ARSB: variants seen among roughly 807,000 people sequenced by gnomAD.
The protein encoded by ARSB is N-acetylgalactosamine-4-sulfatase.
ARSB carries 41 observed loss-of-function variants against 50.9 expected under a neutral mutation model. The ratio of observed to expected loss-of-function variants is 0.81; its 90% CI spans 0.63 to 1.04. The LOEUF (loss-of-function observed/expected upper bound fraction) is 1.04. Ranked by LOEUF, ARSB falls within the 50% of genes least tolerant of loss-of-function variation. The pLI is 0.00. For missense variants in ARSB, 672 were observed against 693.3 expected (o/e 0.97, Z 0.35); for synonymous variants, 269 against 284.8 (o/e 0.94, Z 0.56).
At chr5:78,852,125 C>T (rs180822896) in intron 5 of ARSB, among the ~76,000 whole-genome samples, 29 of 152,254 alleles carry the variant, frequency 1.9e-4, no homozygotes, top group African/African-American at 6.7e-4. Context: ...GGTTATTTTG[C>T]TCGTTAGTTG....
At chr5:78,953,577 A>G (rs191791326) in intron 4 of ARSB, among the ~76,000 whole-genome samples, 23 of 152,342 alleles carry the variant, frequency 1.5e-4, no homozygotes, top group African/African-American at 4.6e-4. Flanking sequence ...ACAAAACCAC[A>G]AAAGTATGAG....
intron 5 of ARSB, among the ~76,000 whole-genome samples, chr5:78,859,580 A>G (rs3114493): frequency 0.26 from 39,905 of 152,080 alleles, 7,020 homozygotes; most frequent in African/African-American, 0.5. Context: ...ATTTTCACTA[A>G]TGCCAATGCT....
At chr5:78,968,591 C>T (rs1016514347) in intron 2 of ARSB, among the ~76,000 whole-genome samples, 10 of 152,048 alleles carry the variant, frequency 6.6e-5, no homozygotes, top group Non-Finnish European at 1.0e-4. Flanking sequence ...CCTCGTGATC[C>T]GCCTGCTTCG....
At chr5:78,885,293 A>G (rs1428377486) in intron 5 of ARSB, 2 of 441,004 alleles carry the variant, frequency 4.5e-6, no homozygotes, top group Admixed American at 7.7e-5. Flanking sequence ...GAAGCTAACA[A>G]TACCCTAGCC....
chr5:78,894,233 C>T (rs935300523), intron 4 of ARSB, among the ~76,000 whole-genome samples: 10 of 152,120 alleles, frequency 6.6e-5, no homozygotes, highest in East Asian at 3.8e-4. Flanking sequence ...TAACAACTTG[C>T]GTGGTGAGAA....
intron 5 of ARSB, among the ~76,000 whole-genome samples, chr5:78,841,168 C>CTACTACTACTACTTATAA (rs368030435): frequency 2.3e-5 from 3 of 132,002 alleles, no homozygotes; most frequent in African/African-American, 8.6e-5. Context: ...ACTACTACTA[C>CTACTACTACTACTTATAA]TAATAATAAT....
intron 4 of ARSB, among the ~76,000 whole-genome samples, chr5:78,902,537 T>G (rs1217904304): frequency 6.6e-6 from 1 of 152,200 alleles, no homozygotes. Context: ...TTTTTTAAAA[T>G]GTATATTTTC....
chr5:78,819,431 G>A (rs142213656), intron 6 of ARSB, among the ~76,000 whole-genome samples: 1 of 152,316 alleles, frequency 6.6e-6, no homozygotes, highest in African/African-American at 2.4e-5. Flanking sequence ...AGTCTTTTTC[G>A]TGACTTATTT....
rs78134348 is a variant in ARSB at position 78,964,280 on chromosome 5, T to C, written c.690+136A>G. On this transcript the variant is annotated intron_variant, in intron 3 of 7. Transcript: ENST00000264914. ...CAAGCTTCCCAGGCTGATTCTGGGA[T>C]ACTGTATAATTTGAAAAGGACTTCC... The C allele has an allele frequency of 9.9e-3, 8,554 of 860,350 alleles. 399 individuals are homozygous for C. In the African/African-American group the frequency reaches 0.12, roughly 12 times the overall value. 53.3% of individuals were successfully genotyped at this position (860,350 alleles called of 1,614,324 possible).
chr5:78,891,922 T>G (rs1416011636), intron 4 of ARSB, among the ~76,000 whole-genome samples: 1 of 150,988 alleles, frequency 6.6e-6, no homozygotes, highest in East Asian at 1.9e-4. Context: ...TTCACTGAAA[T>G]GCAGGGAACT....
At chr5:78,828,162 C>A (rs1383116399) in intron 6 of ARSB, among the ~76,000 whole-genome samples, 1 of 151,726 alleles carries the variant, frequency 6.6e-6, no homozygotes, top group African/African-American at 2.4e-5. Flanking sequence ...AAAAAGCCCA[C>A]CAAAATATTA....
chr5:78,824,037 G>A (rs540452786), intron 6 of ARSB, among the ~76,000 whole-genome samples: 1 of 152,252 alleles, frequency 6.6e-6, no homozygotes, highest in Admixed American at 6.5e-5. Context: ...GTCTTGTTCT[G>A]TTCATGTTTT....
chr5:78,810,713 C>T (rs1381630810), intron 6 of ARSB, among the ~76,000 whole-genome samples: 2 of 152,134 alleles, frequency 1.3e-5, no homozygotes, highest in East Asian at 3.9e-4. Context: ...ACAGTAAGTG[C>T]CACCAAGGAC....
At chr5:78,845,400 G>A (rs908723014) in intron 5 of ARSB, among the ~76,000 whole-genome samples, 5 of 152,142 alleles carry the variant, frequency 3.3e-5, no homozygotes, top group South Asian at 2.1e-4. Flanking sequence ...ACCCAGTAGC[G>A]GGATTGCTGG....
chr5:78,950,504 C>T (rs538104134), intron 4 of ARSB, among the ~76,000 whole-genome samples: 1 of 152,070 alleles, frequency 6.6e-6, no homozygotes, highest in Non-Finnish European at 1.5e-5. Flanking sequence ...AGACAATAGG[C>T]AGGAAAAGAG....
At chr5:78,891,485 C>T (rs1748291363) in intron 4 of ARSB, among the ~76,000 whole-genome samples, 1 of 152,178 alleles carries the variant, frequency 6.6e-6, no homozygotes, top group African/African-American at 2.4e-5. Context: ...TTGAGTGCTG[C>T]CATGTTCCAG....
chr5:78,865,148 C>G (rs1746655940), intron 5 of ARSB, among the ~76,000 whole-genome samples: 1 of 151,912 alleles, frequency 6.6e-6, no homozygotes, highest in East Asian at 1.9e-4. Context: ...CATTTCCCTT[C>G]CATCCTGCCC....
intron 7 of ARSB, among the ~76,000 whole-genome samples, chr5:78,781,544 C>T (rs976254677): frequency 6.6e-6 from 1 of 151,888 alleles, no homozygotes; most frequent in African/African-American, 2.4e-5. Flanking sequence ...GAAAAGAAAA[C>T]CCTGAATAAA....
chr5:78,785,937 C>T (rs1046436855), intron 6 of ARSB, among the ~76,000 whole-genome samples: 2 of 152,162 alleles, frequency 1.3e-5, no homozygotes, highest in Non-Finnish European at 2.9e-5. Flanking sequence ...ACTTTTCCTT[C>T]TAATCAATAG....
Sources: allele counts gnomAD v4.1 joint callset (sites outside exome capture counted in the v4.1 genomes callset), GRCh38; gene constraint gnomAD v4.1.1; transcripts MANE v1.5; gene names NCBI Gene and HGNC (gene_info 2026-07-23, HGNC 2026-07-21).